Variants in CFAP299 observed in about 807,000 individuals in gnomAD.
CFAP299 encodes the protein cilia and flagella associated protein 299.
CFAP299 carries 21 observed loss-of-function variants against 27.0 expected under a neutral mutation model. The observed-to-expected ratio is 0.78, with a 90% CI of 0.55 to 1.12. CFAP299 has a LOEUF of 1.12. Ranked by LOEUF, CFAP299 falls within the 50% of genes most tolerant of loss-of-function variation. The pLI, the probability that CFAP299 is intolerant of heterozygous loss-of-function variation, is 0.00. For synonymous variants in CFAP299, 104 were observed against 98.1 expected, an observed-to-expected ratio of 1.06 and a Z score of -0.36; for missense variants, 310 against 276.6, an observed-to-expected ratio of 1.12 and a Z score of -0.86.
chr4:80,687,941 A>T (rs1720331267), intron 3 of CFAP299, among the ~76,000 whole-genome samples: 1 of 152,178 alleles, frequency 6.6e-6, no homozygotes, highest in Non-Finnish European at 1.5e-5. Flanking sequence ...CGGCACCTGG[A>T]AGAAAGGGTC....
At chr4:80,739,984 C>T (rs970158308) in intron 3 of CFAP299, among the ~76,000 whole-genome samples, 5 of 152,206 alleles carry the variant, frequency 3.3e-5, no homozygotes, top group East Asian at 3.9e-4. Flanking sequence ...CATTTTTAAA[C>T]TCTAACATTT....
Position 80,484,568 on chromosome 4 carries a change from T to C in CFAP299, c.243-98525T>C, listed in dbSNP as rs184365573. Among the ~76,000 whole-genome samples, 299 of 152,296 alleles carry C rather than the reference T, an allele frequency of 2.0e-3. 1 individual carries two copies. Among genetic ancestry groups the C allele is most frequent in the African/African-American group, 6.7e-3 (278 of 41,582 alleles). On this transcript the variant is annotated intron_variant, in intron 2 of 5. Coordinates refer to ENST00000358105, the MANE Select transcript of CFAP299 (RefSeq NM_152770.3). ...TGTAATGCCATAATACAATGAATAA[T>C]TGAATAGATCATATATAAGCATTGA... is the stretch of plus-strand genomic sequence containing the variant.
intron 3 of CFAP299, among the ~76,000 whole-genome samples, chr4:80,751,544 A>G (rs145240042): frequency 4.8e-4 from 73 of 152,300 alleles, no homozygotes; most frequent in Non-Finnish European, 7.6e-4. Context: ...TGAAGCCCCT[A>G]TATCAAGCAA....
intron 3 of CFAP299, among the ~76,000 whole-genome samples, chr4:80,799,311 T>G: frequency 9.6e-6 from 1 of 103,908 alleles, no homozygotes; most frequent in Non-Finnish European, 1.7e-5. Flanking sequence ...ATAATATTTA[T>G]ATATATAAAT....
At chr4:80,838,190 A>C (rs1450600889) in intron 3 of CFAP299, among the ~76,000 whole-genome samples, 1 of 151,880 alleles carries the variant, frequency 6.6e-6, no homozygotes, top group African/African-American at 2.4e-5. Context: ...AGATTGCAAA[A>C]TTTTTCTCCC....
intron 3 of CFAP299, among the ~76,000 whole-genome samples, chr4:80,825,701 A>C (rs1729947289): frequency 1.3e-5 from 2 of 151,990 alleles, no homozygotes; most frequent in East Asian, 1.9e-4. Context: ...GCAAAAGCAG[A>C]GGGAGCTTAT....
At chr4:80,400,608 C>A (rs1263199756) in intron 2 of CFAP299, among the ~76,000 whole-genome samples, 4 of 152,138 alleles carry the variant, frequency 2.6e-5, no homozygotes, top group African/African-American at 4.8e-5. Flanking sequence ...TCTGAGGCCT[C>A]CCCAGTGGAA....
chr4:80,534,398 CT>C (rs768844839), intron 2 of CFAP299, among the ~76,000 whole-genome samples: 2 of 149,980 alleles, frequency 1.3e-5, no homozygotes, highest in Non-Finnish European at 3.0e-5. Flanking sequence ...CCACATAGTT[CT>C]ATACAGAGAT....
chr4:80,591,125 T>TTA (rs1560643054), intron 3 of CFAP299, among the ~76,000 whole-genome samples: 10 of 134,954 alleles, frequency 7.4e-5, no homozygotes, highest in Non-Finnish European at 8.1e-5. Flanking sequence ...TTTTTTTTTT[T>TTA]TTTTTTATTT....
chr4:80,437,882 C>CT (rs1264326775), intron 2 of CFAP299, among the ~76,000 whole-genome samples: 3 of 151,998 alleles, frequency 2.0e-5, no homozygotes, highest in Admixed American at 6.6e-5. Flanking sequence ...TGTTGTTGTC[C>CT]TTTTTTTGGC....
Position 80,362,888 on chromosome 4 carries a change from A to G in CFAP299, c.242+4A>G. ...TGGCTGAAAGAGCTCAGCAAAAGTAAGTGTCCATGTTCCAAATCCAGATTT... is the reference window on the plus strand; with the variant it reads ...TGGCTGAAAGAGCTCAGCAAAAGTAGGTGTCCATGTTCCAAATCCAGATTT... On this transcript the variant is annotated splice_donor_region_variant and intron_variant, in intron 2 of 5. Coordinates refer to ENST00000358105, the MANE Select transcript of CFAP299 (RefSeq NM_152770.3). 6.2e-7 allele frequency: 1 copy of G among 1,600,866 alleles called. No individual in the cohort carries two copies. The highest frequency in any genetic ancestry group is 8.5e-7 in the Non-Finnish European group (1 of 1,176,530).
At chr4:80,676,769 A>G (rs1270822196) in intron 3 of CFAP299, among the ~76,000 whole-genome samples, 1 of 151,700 alleles carries the variant, frequency 6.6e-6, no homozygotes, top group Non-Finnish European at 1.5e-5. Context: ...TATGGTGATT[A>G]TTTGTATTTC....
intron 3 of CFAP299, among the ~76,000 whole-genome samples, chr4:80,737,388 A>G (rs1017093165): frequency 2.6e-5 from 4 of 152,212 alleles, no homozygotes; most frequent in Non-Finnish European, 5.9e-5. Flanking sequence ...AAAGTATGGT[A>G]GAATTCAGCA....
At chr4:80,431,322 T>C (rs1727803398) in intron 2 of CFAP299, among the ~76,000 whole-genome samples, 1 of 151,954 alleles carries the variant, frequency 6.6e-6, no homozygotes, top group Non-Finnish European at 1.5e-5. Flanking sequence ...TCCCTCTCTC[T>C]GTTCTTTTCC....
At chr4:80,954,331 C>T (rs1365876274) in intron 5 of CFAP299, among the ~76,000 whole-genome samples, 3 of 152,148 alleles carry the variant, frequency 2.0e-5, no homozygotes, top group African/African-American at 4.8e-5. Flanking sequence ...CTCAGCCATT[C>T]ACCACTCCCA....
intron 2 of CFAP299, among the ~76,000 whole-genome samples, chr4:80,468,039 T>G (rs1233040469): frequency 1.3e-5 from 2 of 152,128 alleles, no homozygotes; most frequent in Admixed American, 6.5e-5. Flanking sequence ...GAGATTTGGG[T>G]GGGAACACAG....
At chr4:80,799,642 ATATATAT>A (rs1728186365) in intron 3 of CFAP299, among the ~76,000 whole-genome samples, 1 of 33,656 alleles carries the variant, frequency 3.0e-5, no homozygotes, top group African/African-American at 1.4e-4. Context: ...AATATATAAA[ATATATAT>A]TTTATATATT....
chr4:80,422,373 TA>T (rs11346648), intron 2 of CFAP299, among the ~76,000 whole-genome samples: 10,896 of 144,340 alleles, frequency 0.075, 987 homozygotes, highest in African/African-American at 0.22. Flanking sequence ...CTGCTAAAAT[TA>T]AAAAAAAAAA....
chr4:80,691,316 CCAG>C (rs1220639891), intron 3 of CFAP299, among the ~76,000 whole-genome samples: 2 of 131,338 alleles, frequency 1.5e-5, no homozygotes, highest in Admixed American at 8.0e-5. Context: ...CAAACCGAAT[CCAG>C]CAGCACATCA....
Sources: allele counts gnomAD v4.1 joint callset (sites outside exome capture counted in the v4.1 genomes callset), GRCh38; gene constraint gnomAD v4.1.1; transcripts MANE v1.5; gene names NCBI Gene and HGNC (gene_info 2026-07-23, HGNC 2026-07-21).